KSR2: variants seen among roughly 807,000 people sequenced by gnomAD.
KSR2 encodes the protein kinase suppressor of ras 2.
A neutral mutation model predicts 107.8 loss-of-function variants in KSR2; 25 were observed. The ratio of observed to expected loss-of-function variants is 0.23; its 90% confidence interval spans 0.17 to 0.32. KSR2 has a LOEUF of 0.32. KSR2 is among the 10% of genes least tolerant of loss of function. KSR2 has a pLI of 1.00. For synonymous variants in KSR2, 480 were observed against 507.0 expected, an observed-to-expected ratio of 0.95 and a Z score of 0.71; for missense variants, 887 against 1,268.9, an observed-to-expected ratio of 0.70 and a Z score of 4.57.
chr12:117,818,114 A>AT (rs1005395421), intron 3 of KSR2, among the ~76,000 whole-genome samples: 1 of 152,060 alleles, frequency 6.6e-6, no homozygotes, highest in Non-Finnish European at 1.5e-5. Context: ...AAAATAAAAA[A>AT]AAAAAAGTTC....
intron 1 of KSR2, among the ~76,000 whole-genome samples, chr12:117,927,707 A>C (rs1895572430): frequency 6.6e-6 from 1 of 152,128 alleles, no homozygotes; most frequent in Non-Finnish European, 1.5e-5. Flanking sequence ...AAAGGAAAAA[A>C]AAAGGAACCA....
At chr12:117,560,191 A>G (rs1197143508) in intron 7 of KSR2, among the ~76,000 whole-genome samples, 1 of 152,098 alleles carries the variant, frequency 6.6e-6, no homozygotes, top group East Asian at 1.9e-4. Context: ...GATCTGCTGA[A>G]TCAGTACTTG....
At chr12:117,948,873 C>T (rs1047895206) in intron 1 of KSR2, among the ~76,000 whole-genome samples, 4 of 152,100 alleles carry the variant, frequency 2.6e-5, no homozygotes, top group African/African-American at 7.3e-5. Context: ...CAGGGTGGAT[C>T]ACCTGAGGTC....
At chr12:117,823,130 A>C (rs7136645) in intron 3 of KSR2, among the ~76,000 whole-genome samples, 26,631 of 150,226 alleles carry the variant, frequency 0.18, 3,722 homozygotes, top group African/African-American at 0.39. Flanking sequence ...AAAAAAAAAA[A>C]GTGTGGCTGG....
At chr12:117,580,675 G>A (rs965224461) in intron 6 of KSR2, among the ~76,000 whole-genome samples, 2 of 152,260 alleles carry the variant, frequency 1.3e-5, no homozygotes, top group African/African-American at 2.4e-5. Context: ...GTCATCCCAA[G>A]TCTCAGCTCC....
chr12:117,753,649 C>T (rs758639942), intron 4 of KSR2, among the ~76,000 whole-genome samples: 2 of 152,040 alleles, frequency 1.3e-5, no homozygotes, highest in Non-Finnish European at 1.5e-5. Flanking sequence ...ACAACACACA[C>T]TGGGGCCTTC....
chr12:117,743,132 A>G (rs977568349), intron 4 of KSR2, among the ~76,000 whole-genome samples: 1 of 152,208 alleles, frequency 6.6e-6, no homozygotes, highest in Admixed American at 6.5e-5. Context: ...ATACAATCCA[A>G]TTCGCCAATC....
intron 9 of KSR2, among the ~76,000 whole-genome samples, chr12:117,553,368 T>C (rs1404805267): frequency 4.0e-5 from 6 of 151,776 alleles, no homozygotes; most frequent in Non-Finnish European, 8.8e-5. Flanking sequence ...TGCAGCAGAG[T>C]CTGATTTGTT....
At chr12:117,518,281 T>C (rs184211280) in intron 14 of KSR2, among the ~76,000 whole-genome samples, 19 of 152,266 alleles carry the variant, frequency 1.2e-4, no homozygotes, top group African/African-American at 4.3e-4. Flanking sequence ...GAAATCCAGT[T>C]CTTCCTTCCT....
chr12:117,794,992 T>A (rs1380797283), intron 3 of KSR2, among the ~76,000 whole-genome samples: 3 of 152,180 alleles, frequency 2.0e-5, no homozygotes, highest in Non-Finnish European at 2.9e-5. Context: ...TGCAGCAAAG[T>A]GATTGACTTC....
intron 3 of KSR2, among the ~76,000 whole-genome samples, chr12:117,803,469 G>A (rs1376238464): frequency 6.6e-6 from 1 of 152,140 alleles, no homozygotes; most frequent in Non-Finnish European, 1.5e-5. Flanking sequence ...TTGGGAGGCC[G>A]AGGCGGGCGG....
chr12:117,799,033 G>A (rs935883086), intron 3 of KSR2, among the ~76,000 whole-genome samples: 1 of 152,138 alleles, frequency 6.6e-6, no homozygotes, highest in Non-Finnish European at 1.5e-5. Context: ...ATCTGGAATA[G>A]GCAAATCCAT....
chr12:117,567,482 C>T (rs1429420870), intron 7 of KSR2, among the ~76,000 whole-genome samples: 1 of 151,914 alleles, frequency 6.6e-6, no homozygotes, highest in Non-Finnish European at 1.5e-5. Context: ...CAAGGGGGAG[C>T]TAATGAAGGA....
intron 9 of KSR2, among the ~76,000 whole-genome samples, chr12:117,545,193 T>C (rs1268314392): frequency 6.6e-6 from 1 of 152,192 alleles, no homozygotes; most frequent in African/African-American, 2.4e-5. Flanking sequence ...TATATATTGC[T>C]GAACTCTATT....
At chr12:117,899,438 A>C (rs1463001647) in intron 1 of KSR2, among the ~76,000 whole-genome samples, 3 of 152,194 alleles carry the variant, frequency 2.0e-5, no homozygotes. Context: ...GGCTACAGTG[A>C]GCTATGATCA....
intron 4 of KSR2, among the ~76,000 whole-genome samples, chr12:117,758,801 G>A (rs529339180): frequency 1.1e-4 from 17 of 152,082 alleles, no homozygotes; most frequent in South Asian, 4.2e-4. Flanking sequence ...CTGGAGAGTC[G>A]GCTTTCTGAT....
chr12:117,583,342 T>A (rs1879792298), intron 5 of KSR2, among the ~76,000 whole-genome samples: 1 of 140,278 alleles, frequency 7.1e-6, no homozygotes, highest in African/African-American at 2.8e-5. Context: ...GATAGATAGA[T>A]GGATGGGTGG....
intron 4 of KSR2, 93 bp downstream of exon 4, chr12:117,760,918 G>A (rs577461650): frequency 9.3e-6 from 14 of 1,508,748 alleles, no homozygotes; most frequent in South Asian, 3.5e-5. Context: ...GTCTGTTCCC[G>A]GTTTCCTTGA....
intron 5 of KSR2, among the ~76,000 whole-genome samples, chr12:117,646,622 C>T (rs541247872): frequency 2.0e-5 from 3 of 152,242 alleles, no homozygotes; most frequent in South Asian, 2.1e-4. Flanking sequence ...CAATTAACCC[C>T]GGGGATCCAG....
Sources: gnomAD v4.1 joint callset for allele counts (sites outside exome capture counted in the v4.1 genomes callset) on GRCh38, gnomAD v4.1.1 for gene constraint, MANE v1.5 for transcripts, NCBI Gene and HGNC (gene_info 2026-07-23, HGNC 2026-07-21) for gene names.